The following DPP10 variants were observed in gnomAD, a reference collection of about 807,000 sequenced individuals.
DPP10 encodes dipeptidyl peptidase like 10, also known as inactive dipeptidyl peptidase 10.
Under a neutral mutation model 120.9 loss-of-function variants are expected in DPP10, and 33 were observed. The ratio of observed to expected loss-of-function variants is 0.27; its 90% CI spans 0.21 to 0.37. DPP10 has a LOEUF of 0.37. Among genes scored for constraint, DPP10 ranks in the 10% least tolerant of loss-of-function variants. The pLI, the probability that DPP10 is intolerant of heterozygous loss-of-function variation, is 1.00. For missense variants in DPP10, 816 were observed against 942.8 expected, an observed-to-expected ratio of 0.87 and a Z score of 1.76; for synonymous variants, 337 against 326.1, an observed-to-expected ratio of 1.03 and a Z score of -0.36.
intron 1 of DPP10, among the ~76,000 whole-genome samples, chr2:115,151,458 A>T: frequency 7.0e-6 from 1 of 143,400 alleles, no homozygotes. Context: ...GTCACCCGGG[A>T]GTGCAATGGT....
At chr2:114,676,239 T>C (rs961973380) in intron 1 of DPP10, among the ~76,000 whole-genome samples, 1 of 152,130 alleles carries the variant, frequency 6.6e-6, no homozygotes, top group Non-Finnish European at 1.5e-5. Flanking sequence ...AGATAAAAAG[T>C]AGTAGAAAAA....
chr2:114,683,007 T>C (rs535385313), intron 1 of DPP10, among the ~76,000 whole-genome samples: 1 of 152,086 alleles, frequency 6.6e-6, no homozygotes, highest in African/African-American at 2.4e-5. Flanking sequence ...TGAAAGACCC[T>C]GTATTTCTAA....
chr2:114,692,977 A>C (rs186687808), intron 1 of DPP10, among the ~76,000 whole-genome samples: 330 of 152,146 alleles, frequency 2.2e-3, no homozygotes, highest in African/African-American at 7.3e-3. Context: ...GTGTCTTTGC[A>C]CGTGAGATGG....
chr2:115,170,125 T>G (rs2105050496), intron 1 of DPP10, among the ~76,000 whole-genome samples: 1 of 152,326 alleles, frequency 6.6e-6, no homozygotes, highest in South Asian at 2.1e-4. Flanking sequence ...GCCTTTCTTG[T>G]TATTGGAACA....
chr2:114,732,072 G>A (rs1182498070), intron 1 of DPP10, among the ~76,000 whole-genome samples: 1 of 152,198 alleles, frequency 6.6e-6, no homozygotes, highest in East Asian at 1.9e-4. Context: ...TGGGTCAAAG[G>A]TGACTAAGCT....
chr2:115,206,496 G>A (rs2056140908), intron 1 of DPP10, among the ~76,000 whole-genome samples: 1 of 152,136 alleles, frequency 6.6e-6, no homozygotes, highest in Admixed American at 6.6e-5. Context: ...TTTGCTTAAA[G>A]CAATTTTCCC....
At chr2:115,035,213 T>G (rs1704144921) in intron 1 of DPP10, among the ~76,000 whole-genome samples, 1 of 152,124 alleles carries the variant, frequency 6.6e-6, no homozygotes, top group Non-Finnish European at 1.5e-5. Flanking sequence ...CTATTAAAAC[T>G]TTTAACTGTT....
At chr2:115,156,730 G>A (rs186926981) in intron 1 of DPP10, among the ~76,000 whole-genome samples, 102 of 152,244 alleles carry the variant, frequency 6.7e-4, no homozygotes, top group Admixed American at 1.4e-3. Flanking sequence ...TTATGGAAAC[G>A]AGAAATACCA....
At chr2:114,513,008 G>T (rs1684274801) in intron 1 of DPP10, among the ~76,000 whole-genome samples, 1 of 152,162 alleles carries the variant, frequency 6.6e-6, no homozygotes, top group Non-Finnish European at 1.5e-5. Context: ...AAGTGAAGGA[G>T]AAGAAAAGGA....
chr2:115,468,676 TA>T, intron 3 of DPP10: 1 of 352,570 alleles, frequency 2.8e-6, no homozygotes, highest in Non-Finnish European at 5.6e-6. Flanking sequence ...CCTGAAGGAT[TA>T]AAAAGGAAGA....
chr2:114,871,230 C>G (rs1690661389), intron 1 of DPP10, among the ~76,000 whole-genome samples: 1 of 84,110 alleles, frequency 1.2e-5, no homozygotes, highest in Admixed American at 1.3e-4. Context: ...GGAAAAAAAT[C>G]CATCTTTCTC....
At chr2:114,447,559 C>T (rs546521305) in intron 1 of DPP10, among the ~76,000 whole-genome samples, 1 of 152,280 alleles carries the variant, frequency 6.6e-6, no homozygotes, top group Admixed American at 6.5e-5. Context: ...AAGATTGTTA[C>T]ATACTTCTAC....
intron 1 of DPP10, among the ~76,000 whole-genome samples, chr2:114,648,876 T>A (rs1289233631): frequency 6.6e-6 from 1 of 152,208 alleles, no homozygotes; most frequent in Non-Finnish European, 1.5e-5. Flanking sequence ...GTAACTACTC[T>A]GGTTATCACA....
At chr2:115,641,566 C>G (rs181854684) in intron 5 of DPP10, among the ~76,000 whole-genome samples, 2 of 152,074 alleles carry the variant, frequency 1.3e-5, no homozygotes, top group Non-Finnish European at 2.9e-5. Flanking sequence ...TTTTTATTAC[C>G]GTACTTATCA....
chr2:115,552,805 A>G (rs1163753173), intron 5 of DPP10, among the ~76,000 whole-genome samples: 2 of 152,086 alleles, frequency 1.3e-5, no homozygotes, highest in Non-Finnish European at 2.9e-5. Flanking sequence ...TTAAACATGT[A>G]TTAACCAGAG....
At chr2:115,084,451 G>T (rs1708528968) in intron 1 of DPP10, among the ~76,000 whole-genome samples, 1 of 152,160 alleles carries the variant, frequency 6.6e-6, no homozygotes, top group Admixed American at 6.6e-5. Flanking sequence ...CTACTTTTGT[G>T]GACATGTGTC....
intron 1 of DPP10, among the ~76,000 whole-genome samples, chr2:114,515,111 C>T (rs548785797): frequency 6.6e-6 from 1 of 152,274 alleles, no homozygotes; most frequent in East Asian, 1.9e-4. Flanking sequence ...AGAAAAGAAA[C>T]ATGCCTGGAG....
chr2:115,433,179 A>G (rs1025556806), intron 3 of DPP10, among the ~76,000 whole-genome samples: 1 of 152,040 alleles, frequency 6.6e-6, no homozygotes, highest in Admixed American at 6.6e-5. Flanking sequence ...CCTTTCTCGT[A>G]ATGTAACAAT....
At chr2:115,225,959 T>C (rs1039764009) in intron 1 of DPP10, among the ~76,000 whole-genome samples, 5 of 152,176 alleles carry the variant, frequency 3.3e-5, no homozygotes, top group African/African-American at 1.2e-4. Flanking sequence ...CGCTACCTTT[T>C]ATTACTCACT....
Sources: gnomAD v4.1 joint callset for allele counts (sites outside exome capture counted in the v4.1 genomes callset) on GRCh38, gnomAD v4.1.1 for gene constraint, MANE v1.5 for transcripts, NCBI Gene and HGNC (gene_info 2026-07-23, HGNC 2026-07-21) for gene names.